The following DERL2 variants were observed in gnomAD, a reference collection of about 807,000 sequenced individuals.
The protein encoded by DERL2 is derlin 2, also known as derlin-2.
Under a neutral mutation model 32.0 loss-of-function variants are expected in DERL2, and 13 were observed. That is an observed-to-expected ratio of 0.41 (90% CI 0.26 to 0.65). DERL2 has a LOEUF of 0.65. DERL2 is among the 30% of genes least tolerant of loss of function. The pLI is 0.35. For synonymous variants in DERL2, 111 were observed against 104.7 expected (o/e 1.06, Z -0.37); for missense variants, 208 against 296.3 (o/e 0.70, Z 2.19).
intron 6 of DERL2, among the ~76,000 whole-genome samples, chr17:5,475,258 ATT>A (rs542436073): frequency 1.2e-4 from 17 of 141,902 alleles, no homozygotes; most frequent in Admixed American, 7.1e-5. Flanking sequence ...ATATAATAGA[ATT>A]TTTTTTTTTT....
upstream of DERL2, chr17:5,486,248 C>T (rs1012639971): frequency 4.0e-5 from 45 of 1,114,628 alleles, no homozygotes; most frequent in African/African-American, 1.3e-4. Context: ...GCCCAAAGGC[C>T]CCCCGCCCAC....
chr17:5,485,071 G>A (rs1906082665), intron 2 of DERL2, 80 bp downstream of exon 2: 1 of 1,025,464 alleles, frequency 9.8e-7, no homozygotes, highest in Non-Finnish European at 1.4e-6. Flanking sequence ...TTTTAGGATA[G>A]TGTATAACAG....
At chr17:5,484,363 C>T (rs1906005146) in intron 2 of DERL2, among the ~76,000 whole-genome samples, 1 of 152,380 alleles carries the variant, frequency 6.6e-6, no homozygotes, top group East Asian at 1.9e-4. Flanking sequence ...TCTCCTGCCT[C>T]AGCCTCGCCA....
In DERL2 at chr17:5,479,966, T is replaced by C; in HGVS notation, c.614+88A>G. The C allele has an allele frequency of 1.5e-5, 12 of 790,632 alleles. No homozygotes were observed. The South Asian group carries it at 1.9e-4, about 13-fold the overall frequency. 49.0% of individuals were successfully genotyped at this position (790,632 alleles called of 1,614,324 possible). On this transcript the variant is annotated intron_variant, in intron 6 of 6. Coordinates refer to ENST00000158771, the MANE Select transcript of DERL2 (RefSeq NM_016041.5). Reference sequence around the variant, plus strand: ...GGTTACTGACCTGAGCTATGTGTACTAGGAGCTAGGGGAGCCAAAGAAAAC... The same window carrying C: ...GGTTACTGACCTGAGCTATGTGTACCAGGAGCTAGGGGAGCCAAAGAAAAC...
chr17:5,482,949 T>C (rs1349278639), intron 2 of DERL2, 67 bp from the exon 3 acceptor site: 1 of 886,220 alleles, frequency 1.1e-6, no homozygotes. Context: ...AGTTCCATAT[T>C]AATACAAAAG....
In DERL2 at chr17:5,474,677, T is replaced by C. The variant is rs1251141221; in HGVS notation, c.*7A>G. The C allele has an allele frequency of 6.2e-7, 1 of 1,607,274 alleles. No individual in the cohort carries two copies. Among genetic ancestry groups the C allele is most frequent in the South Asian group, 1.1e-5 (1 of 90,530 alleles). ...CCCAGCTGGGTCTCATTATTGGCAC[T>C]GCTGCTTTAACCTCCAAGCCGCTGG... On this transcript the variant is annotated 3_prime_UTR_variant, in exon 7 of 7. Coordinates refer to ENST00000158771, the MANE Select transcript of DERL2 (RefSeq NM_016041.5). This position sits in a 1 kb window ranked among gnomAD's most constrained non-coding sequence, Gnocchi z 4.3.
In DERL2 at chr17:5,476,324, A is replaced by G. The variant is rs534545203; in HGVS notation, c.615-1535T>C. ...TTATACTGGAGTCAGAAAATAGTAT[A>G]ATTCAAAATGAGTTTTTAAAATTCT... On this transcript the variant is annotated intron_variant, in intron 6 of 6. Coordinates refer to ENST00000158771, the MANE Select transcript of DERL2 (RefSeq NM_016041.5). Among the ~76,000 whole-genome samples, 13 of 152,346 alleles carry G rather than the reference A, an allele frequency of 8.5e-5. No homozygotes were observed. In the South Asian group the frequency reaches 2.7e-3, roughly 32 times the overall value.
rs1243475075 is a variant in DERL2 at position 5,474,220 on chromosome 17, G to A, written c.*464C>T. ...GAAGAACAGCTGTGTAAACTGTTCT[G>A]AGCTCAGATCTACGCAGGAGGGCTA... On this transcript the variant is annotated 3_prime_UTR_variant, in exon 7 of 7. Transcript: ENST00000158771. This position sits in a 1 kb window ranked among gnomAD's most constrained non-coding sequence, Gnocchi z 4.3. 2 of 152,310 alleles carry A rather than the reference G, an allele frequency of 1.3e-5. No individual in the cohort carries two copies. Among genetic ancestry groups the A allele is most frequent in the Non-Finnish European group, 2.9e-5 (2 of 68,180 alleles). 9.4% of individuals were successfully genotyped at this position (152,310 alleles called of 1,614,324 possible).
intron 6 of DERL2, among the ~76,000 whole-genome samples, chr17:5,477,381 T>G (rs896932838): frequency 1.6e-4 from 24 of 152,160 alleles, no homozygotes; most frequent in Admixed American, 1.5e-3. Context: ...GGGAAGGACA[T>G]CAGGGAACTT....
upstream of DERL2, chr17:5,486,202 T>A (rs899619439): frequency 8.9e-7 from 1 of 1,125,938 alleles, no homozygotes; most frequent in African/African-American, 2.2e-5. Context: ...CCCACCCCAT[T>A]TCCCCTTCCG....
upstream of DERL2, chr17:5,486,183 C>A (rs1198019276): frequency 1.4e-5 from 15 of 1,044,542 alleles, no homozygotes; most frequent in Non-Finnish European, 1.9e-5. Flanking sequence ...TCGCCTGCCC[C>A]ACCCCCCACC....
intron 4 of DERL2, chr17:5,480,959 T>C: frequency 3.7e-6 from 2 of 543,420 alleles, no homozygotes; most frequent in Non-Finnish European, 6.4e-6. Flanking sequence ...TATCTAAGTC[T>C]ATTGTATAGA....
Position 5,486,172 on chromosome 17 carries a change from G to T in DERL2, c.-11C>A. ...GCTCTGGTACGCCATCTTCCCCACC[G>T]TCGCCTGCCCCACCCCCCACCCACC... is the stretch of plus-strand genomic sequence containing the variant. On this transcript the variant is annotated 5_prime_UTR_variant, in exon 1 of 7. Transcript: ENST00000158771. 1 of 1,577,930 alleles carries T rather than the reference G, an allele frequency of 6.3e-7. No homozygotes were observed. Among genetic ancestry groups the T allele is most frequent in the Non-Finnish European group, 8.6e-7 (1 of 1,162,210 alleles).
rs1226058896 is a variant in DERL2, at chr17:5,472,982, T to C, written c.*1702A>G. 2 of 152,206 alleles carry C rather than the reference T, an allele frequency of 1.3e-5. No homozygotes were observed. The highest frequency in any genetic ancestry group is 4.8e-5 in the African/African-American group (2 of 41,440). 9.4% of individuals were successfully genotyped at this position (152,206 alleles called of 1,614,324 possible). A position where few individuals can be genotyped will look rare whatever the true frequency, so the allele number is the denominator to read the frequency against. On this transcript the variant is annotated 3_prime_UTR_variant, in exon 7 of 7. Coordinates refer to ENST00000158771, the MANE Select transcript of DERL2 (RefSeq NM_016041.5). ...AAAATTGCAACAATCATATTCAAAG[T>C]TATTAGCAACATGTAAAATACTTAA...
In DERL2 at chr17:5,472,036, G is replaced by T. The variant is rs1241459430; in HGVS notation, c.*2648C>A. On this transcript the variant is annotated 3_prime_UTR_variant, in exon 7 of 7. Transcript: ENST00000158771. ...AAGAGTGACACAGAAAAAACAAGAG[G>T]AAGAGAGAAACAAATAGAAATCCAT... The T allele has an allele frequency of 2.6e-5, 4 of 152,142 alleles. No individual in the cohort carries two copies. The East Asian group carries it at 5.8e-4, about 22-fold the overall frequency. 9.4% of individuals were successfully genotyped at this position (152,142 alleles called of 1,614,324 possible).
chr17:5,483,026 C>T (rs957848828), intron 2 of DERL2, 144 bp from the exon 3 acceptor site: 6 of 436,726 alleles, frequency 1.4e-5, no homozygotes, highest in South Asian at 8.6e-5. Context: ...GAAACAAAAA[C>T]GGGGGCATAT....
rs1467750099 is a variant in DERL2, at chr17:5,472,295, T to C, written c.*2389A>G. On this transcript the variant is annotated 3_prime_UTR_variant, in exon 7 of 7. Coordinates refer to ENST00000158771, the MANE Select transcript of DERL2 (RefSeq NM_016041.5). ...TCCATGTATCAAATCTCACTTTCAG[T>C]TTATTTGCATTGTGAAAGGGAAGTG... 1.3e-5 allele frequency: 2 copies of C among 152,196 alleles called. No homozygotes were observed. Among genetic ancestry groups the C allele is most frequent in the Non-Finnish European group, 2.9e-5 (2 of 68,028 alleles). The allele number at this position is 152,196 out of a possible 1,614,324, so 9.4% of individuals were successfully genotyped here.
At chr17:5,486,341 A>G, upstream of DERL2, 1 of 419,204 alleles carries the variant, frequency 2.4e-6, no homozygotes, top group Non-Finnish European at 4.2e-6. Flanking sequence ...GCCAATCACG[A>G]GTTGCGTCGC....
chr17:5,485,927 G>A lies in DERL2; in HGVS notation c.93+142C>T, dbSNP rs182340475. 43 of 610,030 alleles carry A rather than the reference G, an allele frequency of 7.0e-5. No individual in the cohort carries two copies. In the East Asian group the frequency reaches 7.2e-4, roughly 10 times the overall value. The allele number at this position is 610,030 out of a possible 1,614,324, so 37.8% of individuals were successfully genotyped here. A position where few individuals can be genotyped will look rare whatever the true frequency, so the allele number is the denominator to read the frequency against. ...GGATAAGCATTCTTGGCGCCAACTCGAACCCCAGAGTAATCCCTGTACGCC... is the reference window on the plus strand; with the variant it reads ...GGATAAGCATTCTTGGCGCCAACTCAAACCCCAGAGTAATCCCTGTACGCC... On this transcript the variant is annotated intron_variant, in intron 1 of 6. Transcript: ENST00000158771.
Sources: gnomAD v4.1 joint callset for allele counts (sites outside exome capture counted in the v4.1 genomes callset) on GRCh38, gnomAD v4.1.1 for gene constraint, Gnocchi (gnomAD v3.1) non-coding constraint, MANE v1.5 for transcripts, NCBI Gene and HGNC (gene_info 2026-07-23, HGNC 2026-07-21) for gene names.